GPR143: variants seen among roughly 807,000 people sequenced by gnomAD.
GPR143 encodes G protein-coupled receptor 143.
In GPR143, 8 loss-of-function variants were observed where a neutral mutation model predicts 27.6. The ratio of observed to expected loss-of-function variants is 0.29; its 90% CI spans 0.17 to 0.52. The LOEUF is 0.52. GPR143 is among the 20% of genes least tolerant of loss of function. The pLI, the probability that GPR143 is intolerant of heterozygous loss-of-function variation, is 0.96. For missense variants in GPR143, 303 were observed against 343.1 expected, an observed-to-expected ratio of 0.88 and a Z score of 0.92; for synonymous variants, 156 against 153.2, an observed-to-expected ratio of 1.02 and a Z score of -0.13.
At chrX:9,761,724 G>C (rs1457646738) in intron 1 of GPR143, among the ~76,000 whole-genome samples, 1 of 112,425 alleles carries the variant, frequency 8.9e-6, no homozygotes, top group Non-Finnish European at 1.9e-5. Context: ...AGACCCAAAT[G>C]TCTAATATCC....
chrX:9,770,287 G>A (rs2083549189), upstream of GPR143, among the ~76,000 whole-genome samples: 1 of 104,584 alleles, frequency 9.6e-6, no homozygotes, highest in Non-Finnish European at 1.9e-5. Context: ...TCCAGCCTGG[G>A]CGACAGAGCA....
intron 4 of GPR143, among the ~76,000 whole-genome samples, chrX:9,748,371 G>T (rs989001511): frequency 8.9e-5 from 10 of 112,857 alleles, no homozygotes; most frequent in African/African-American, 3.2e-4. Context: ...GCAGAGCCAG[G>T]GAGAATGATT....
At chrX:9,749,775 G>A (rs1411768584) in intron 3 of GPR143, among the ~76,000 whole-genome samples, 1 of 109,803 alleles carries the variant, frequency 9.1e-6, no homozygotes, top group African/African-American at 3.3e-5. Flanking sequence ...TCCTCTTTTT[G>A]TAGGGGTTAG....
At chrX:9,770,910 CAGG>C (rs1466521525), upstream of GPR143, among the ~76,000 whole-genome samples, 1 of 112,054 alleles carries the variant, frequency 8.9e-6, no homozygotes, top group Admixed American at 9.5e-5. Context: ...TGCAATTCAA[CAGG>C]AGTTTATGAG....
At chrX:9,727,029 A>T (rs888540888) in intron 8 of GPR143, among the ~76,000 whole-genome samples, 1 of 112,893 alleles carries the variant, frequency 8.9e-6, no homozygotes, top group Non-Finnish European at 1.9e-5. Context: ...CTAGGCAGAT[A>T]GGAGTGGGTC....
chrX:9,760,972 A>T, intron 1 of GPR143, 146 bp from the exon 2 acceptor site: 1 of 438,682 alleles, frequency 2.3e-6, no homozygotes, highest in East Asian at 4.0e-5. Flanking sequence ...GGAGGGAGAG[A>T]GGGAGGGAAA....
rs757201574 is a variant in GPR143, at chrX:9,748,933, C to T, written c.456-267G>A. Among the ~76,000 whole-genome samples the T allele has an allele frequency of 2.7e-5, 3 of 112,645 alleles. No individual in the cohort carries two copies. In the East Asian group the frequency reaches 8.4e-4, roughly 32 times the overall value. Reference sequence around the variant, plus strand: ...TGCTCTGCAGCCATCACCAGCGTCTCCTTCCAAAATGTTTTCATCATTCCA... The same window carrying T: ...TGCTCTGCAGCCATCACCAGCGTCTTCTTCCAAAATGTTTTCATCATTCCA... On this transcript the variant is annotated intron_variant, in intron 3 of 8. Transcript: ENST00000467482.
intron 6 of GPR143, among the ~76,000 whole-genome samples, chrX:9,742,027 A>G (rs2083406537): frequency 8.9e-6 from 1 of 112,758 alleles, no homozygotes; most frequent in East Asian, 2.8e-4. Context: ...ACACCACATC[A>G]GGGTGTAAGG....
intron 8 of GPR143, among the ~76,000 whole-genome samples, chrX:9,735,240 T>C (rs2083374071): frequency 8.9e-6 from 1 of 111,975 alleles, no homozygotes; most frequent in African/African-American, 3.3e-5. Context: ...CTTAAAAACC[T>C]TAACTGGCCT....
intron 8 of GPR143, among the ~76,000 whole-genome samples, chrX:9,735,558 TA>T (rs75375720): frequency 0.034 from 3,629 of 105,865 alleles, 159 homozygotes; most frequent in African/African-American, 0.12. Context: ...TTCACAGGTT[TA>T]AAAAAAAAAA....
intron 3 of GPR143, among the ~76,000 whole-genome samples, chrX:9,759,116 A>C (rs893369402): frequency 9.0e-6 from 1 of 111,574 alleles, no homozygotes; most frequent in African/African-American, 3.3e-5. Flanking sequence ...CTGGGATTAC[A>C]GGCACAAGCC....
upstream of GPR143, among the ~76,000 whole-genome samples, chrX:9,766,699 C>T (rs766126954): frequency 9.0e-6 from 1 of 111,570 alleles, no homozygotes; most frequent in South Asian, 3.8e-4. Flanking sequence ...GCACTCCAGC[C>T]TGAGCGATAG....
intron 3 of GPR143, among the ~76,000 whole-genome samples, chrX:9,749,245 G>A (rs749542749): frequency 4.3e-4 from 13 of 30,070 alleles, no homozygotes; most frequent in African/African-American, 1.6e-3. Flanking sequence ...AACCCCCTCC[G>A]GCCCCCAATC....
intron 8 of GPR143, among the ~76,000 whole-genome samples, chrX:9,726,608 G>C (rs902699165): frequency 1.8e-5 from 2 of 111,857 alleles, no homozygotes; most frequent in African/African-American, 6.5e-5. Context: ...ATGAGAAATC[G>C]CTGGAGACAT....
At chrX:9,752,470 C>T (rs1193731583) in intron 3 of GPR143, among the ~76,000 whole-genome samples, 1 of 112,120 alleles carries the variant, frequency 8.9e-6, no homozygotes, top group African/African-American at 3.2e-5. Context: ...TGAATATGTT[C>T]CCTTATATGG....
intron 1 of GPR143, among the ~76,000 whole-genome samples, chrX:9,778,497 A>G (rs1342009886): frequency 9.1e-6 from 1 of 110,378 alleles, no homozygotes; most frequent in Non-Finnish European, 1.9e-5. Flanking sequence ...GGAAGGAGAA[A>G]AAAGAGAGAG....
chrX:9,759,432 A>T lies in GPR143; in HGVS notation c.361-6T>A. 1 of 1,144,025 alleles carries T rather than the reference A, an allele frequency of 8.7e-7. No homozygotes were observed. Among genetic ancestry groups the T allele is most frequent in the South Asian group, 1.9e-5 (1 of 53,281 alleles). The allele number at this position is 1,144,025 out of a possible 1,213,427, so 94.3% of individuals were successfully genotyped here. ...TACAACAGCTGGATCCACATCTGCA[A>T]TCGGGAAGAGCCTGCATCAAAATGT... On this transcript the variant is annotated splice_region_variant and splice_polypyrimidine_tract_variant and intron_variant, in intron 2 of 8. Coordinates refer to ENST00000467482, the MANE Select transcript of GPR143 (RefSeq NM_000273.3).
intron 1 of GPR143, among the ~76,000 whole-genome samples, chrX:9,774,183 G>T (rs913299908): frequency 8.9e-5 from 10 of 111,734 alleles, no homozygotes; most frequent in Non-Finnish European, 1.7e-4. Flanking sequence ...TTGAAATGAT[G>T]TCCCGAATGT....
chrX:9,747,009 TAAAAAAAAAAAAA>T (rs56761188), intron 4 of GPR143, among the ~76,000 whole-genome samples: 40 of 37,631 alleles, frequency 1.1e-3, no homozygotes, highest in African/African-American at 2.9e-3. Flanking sequence ...GCAGAAAATG[TAAAAAAAAAAAAA>T]AAAAAAAAAA....
Sources: gnomAD v4.1 joint callset for allele counts (sites outside exome capture counted in the v4.1 genomes callset) on GRCh38, gnomAD v4.1.1 for gene constraint, MANE v1.5 for transcripts, NCBI Gene and HGNC (gene_info 2026-07-23, HGNC 2026-07-21) for gene names.